Variants in PARD3B observed in about 807,000 individuals in gnomAD.
PARD3B encodes the protein par-3 family cell polarity regulator beta.
PARD3B carries 103 observed loss-of-function variants against 130.2 expected under a neutral mutation model. That is an observed-to-expected ratio of 0.79 (90% CI 0.67 to 0.93). The LOEUF (loss-of-function observed/expected upper bound fraction) is 0.93. Among genes scored for constraint, PARD3B ranks in the 40% least tolerant of loss-of-function variants. The pLI, the probability that PARD3B is intolerant of heterozygous loss-of-function variation, is 0.00. For synonymous variants in PARD3B, 583 were observed against 553.2 expected (o/e 1.05, Z -0.76); for missense variants, 1,609 against 1,499.2 (o/e 1.07, Z -1.21).
At chr2:204,956,232 G>C (rs1690223457) in intron 2 of PARD3B, among the ~76,000 whole-genome samples, 1 of 152,214 alleles carries the variant, frequency 6.6e-6, no homozygotes, top group South Asian at 2.1e-4. Flanking sequence ...CTTTGGCTGA[G>C]AGATTGCCAA....
intron 2 of PARD3B, among the ~76,000 whole-genome samples, chr2:204,804,734 C>T (rs2042703312): frequency 6.6e-6 from 1 of 152,166 alleles, no homozygotes; most frequent in South Asian, 2.1e-4. Context: ...TATGTTAGGT[C>T]ACAAAACACG....
At position 205,458,108 on chromosome 2, in the gene PARD3B, T is replaced by C. The variant is rs1339328989; in HGVS notation, c.3044+17436T>C. Among the ~76,000 whole-genome samples, 2 of 152,172 alleles carry C rather than the reference T, an allele frequency of 1.3e-5. No individual in the cohort carries two copies. The highest frequency in any genetic ancestry group is 2.9e-5 in the Non-Finnish European group (2 of 68,016). ...TTGGTTTTCAGCAGTTTTACTGTGATGTGTCTGTGAGCGTGTGTTGGCAGG... is the reference window on the plus strand; with the variant it reads ...TTGGTTTTCAGCAGTTTTACTGTGACGTGTCTGTGAGCGTGTGTTGGCAGG... On this transcript the variant is annotated intron_variant, in intron 20 of 22. Coordinates refer to ENST00000406610, the MANE Select transcript of PARD3B (RefSeq NM_001302769.2). The surrounding 1 kb of genome is among the most constrained non-coding windows in gnomAD (Gnocchi z 4.8).
At chr2:205,402,905 A>G (rs1481377042) in intron 19 of PARD3B, among the ~76,000 whole-genome samples, 1 of 152,168 alleles carries the variant, frequency 6.6e-6, no homozygotes, top group South Asian at 2.1e-4. Context: ...GTTGGGTGCT[A>G]TAGAATTAAT....
chr2:205,567,953 C>T (rs1369807970), intron 22 of PARD3B, among the ~76,000 whole-genome samples: 1 of 152,152 alleles, frequency 6.6e-6, no homozygotes, highest in Non-Finnish European at 1.5e-5. Flanking sequence ...CACCTTGCCC[C>T]ACCTGGGGGC....
intron 20 of PARD3B, among the ~76,000 whole-genome samples, chr2:205,479,201 G>A (rs1023026936): frequency 2.0e-5 from 3 of 152,214 alleles, no homozygotes; most frequent in South Asian, 2.1e-4. Flanking sequence ...GGTGTTGAGC[G>A]GTTTTGGCCC....
intron 1 of PARD3B, among the ~76,000 whole-genome samples, chr2:204,671,080 G>A (rs2036274647): frequency 1.3e-5 from 2 of 152,080 alleles, no homozygotes. Flanking sequence ...CATCTCTTGT[G>A]TGTTGGGTCC....
intron 2 of PARD3B, among the ~76,000 whole-genome samples, chr2:204,886,995 A>T (rs1011466468): frequency 6.6e-6 from 1 of 152,218 alleles, no homozygotes; most frequent in African/African-American, 2.4e-5. Context: ...CCCACAGGGT[A>T]TGTATCATTA....
At chr2:205,318,013 A>C (rs983670046) in intron 18 of PARD3B, among the ~76,000 whole-genome samples, 9 of 152,090 alleles carry the variant, frequency 5.9e-5, no homozygotes, top group African/African-American at 1.9e-4. Flanking sequence ...ATAATTCAAA[A>C]CTCAAAAAAG....
At chr2:205,130,199 C>T (rs968744349) in intron 10 of PARD3B, among the ~76,000 whole-genome samples, 1 of 152,134 alleles carries the variant, frequency 6.6e-6, no homozygotes, top group African/African-American at 2.4e-5. Context: ...ACATAAGGAA[C>T]AGTTTTGCAG....
intron 3 of PARD3B, among the ~76,000 whole-genome samples, chr2:204,971,834 A>ATTTTT (rs3038727): frequency 7.6e-6 from 1 of 131,220 alleles, no homozygotes; most frequent in African/African-American, 2.9e-5. Flanking sequence ...TTTTGTTTTA[A>ATTTTT]TTTTTTTTTT....
At chr2:204,671,047 C>T (rs560757019) in intron 1 of PARD3B, among the ~76,000 whole-genome samples, 1 of 152,198 alleles carries the variant, frequency 6.6e-6, no homozygotes, top group South Asian at 2.1e-4. Flanking sequence ...TTGCTGTCAC[C>T]GTTTATCTGA....
At chr2:204,766,054 C>G (rs113743849) in intron 2 of PARD3B, among the ~76,000 whole-genome samples, 2,497 of 152,146 alleles carry the variant, frequency 0.016, 62 homozygotes, top group African/African-American at 0.055. Context: ...TCTTTCCTCC[C>G]AAACTTGATA....
intron 1 of PARD3B, among the ~76,000 whole-genome samples, chr2:204,651,437 C>CT (rs1164930152): frequency 6.6e-6 from 1 of 152,264 alleles, no homozygotes; most frequent in Non-Finnish European, 1.5e-5. Flanking sequence ...TCCGTTAACT[C>CT]TGTGTCTCAC....
In PARD3B at chr2:205,619,074, C is replaced by T. The variant is rs951341791; in HGVS notation, c.*3261C>T. 1 of 152,138 alleles carries T rather than the reference C, an allele frequency of 6.6e-6. No individual in the cohort carries two copies. The highest frequency in any genetic ancestry group is 1.5e-5 in the Non-Finnish European group (1 of 68,024). 9.4% of individuals were successfully genotyped at this position (152,138 alleles called of 1,614,324 possible). ...ACCCGTGGATCCTGATGGGGAAGAA[C>T]AGAGGCTTCACTGTAGCTATAGTTT... On this transcript the variant is annotated 3_prime_UTR_variant, in exon 23 of 23. Coordinates refer to ENST00000406610, the MANE Select transcript of PARD3B (RefSeq NM_001302769.2).
intron 2 of PARD3B, among the ~76,000 whole-genome samples, chr2:204,742,163 A>T (rs534167857): frequency 2.6e-5 from 4 of 152,330 alleles, no homozygotes; most frequent in Admixed American, 2.6e-4. Flanking sequence ...GTACCTTCTT[A>T]TCCTTCTGAA....
In PARD3B at chr2:205,317,938, T is replaced by C. The variant is rs138691088; in HGVS notation, c.2630+16237T>C. On this transcript the variant is annotated intron_variant, in intron 18 of 22. Transcript: ENST00000406610. The stretch of plus-strand genomic sequence containing the variant: ...AGCTCTGGAAATTAAAGTAGAAATG[T>C]CTCAGCAGAGAATAACTAAAAGCAG... Among the ~76,000 whole-genome samples the C allele has an allele frequency of 2.6e-5, 4 of 152,226 alleles. No homozygotes were observed. The East Asian group carries it at 7.8e-4, about 30-fold the overall frequency.
chr2:205,381,413 A>G (rs1488638774), intron 18 of PARD3B, among the ~76,000 whole-genome samples: 1 of 151,256 alleles, frequency 6.6e-6, no homozygotes, highest in Admixed American at 6.7e-5. Flanking sequence ...CTAATTACAT[A>G]TGTCGTTAAG....
chr2:204,626,981 T>C (rs2034508467), intron 1 of PARD3B, among the ~76,000 whole-genome samples: 1 of 151,882 alleles, frequency 6.6e-6, no homozygotes, highest in Non-Finnish European at 1.5e-5. Context: ...GGGAGGGAGG[T>C]GATTGGATCA....
intron 4 of PARD3B, among the ~76,000 whole-genome samples, chr2:205,056,932 T>G (rs1217792932): frequency 6.6e-6 from 1 of 151,078 alleles, no homozygotes; most frequent in Non-Finnish European, 1.5e-5. Context: ...TATATATATA[T>G]ATTTGACATT....
Sources: gnomAD v4.1 joint callset for allele counts (sites outside exome capture counted in the v4.1 genomes callset) on GRCh38, gnomAD v4.1.1 for gene constraint, Gnocchi (gnomAD v3.1) non-coding constraint, MANE v1.5 for transcripts, NCBI Gene and HGNC (gene_info 2026-07-23, HGNC 2026-07-21) for gene names.